Variants in CCDC18 observed in about 807,000 individuals in gnomAD.
CCDC18 encodes the protein coiled-coil domain-containing protein 18.
CCDC18 carries 157 observed loss-of-function variants against 196.0 expected under a neutral mutation model. That is an observed-to-expected ratio of 0.80 (90% CI 0.70 to 0.91). The LOEUF (loss-of-function observed/expected upper bound fraction) is 0.91. Ranked by LOEUF, CCDC18 falls within the 40% of genes least tolerant of loss-of-function variation. The pLI is 0.00. For missense variants in CCDC18, 1,465 were observed against 1,611.6 expected (o/e 0.91, Z 1.56); for synonymous variants, 482 against 529.2 (o/e 0.91, Z 1.22).
In CCDC18 at chr1:93,250,788, CTT is replaced by C. The variant is rs1298375587; in HGVS notation, c.3199-3680_3199-3679del. ...TCTAAGTATAGCTATTTCTGCTATA[CTT>C]TTGATTTCCATTTGAATGGAACATC... On this transcript the variant is annotated intron_variant, in intron 23 of 28. Coordinates refer to ENST00000690025, the MANE Select transcript of CCDC18 (RefSeq NM_001378204.1). Among the ~76,000 whole-genome samples the C allele has an allele frequency of 4.8e-5, 4 of 83,788 alleles. No individual in the cohort carries two copies. In the African/African-American group the frequency reaches 6.0e-4, roughly 13 times the overall value. The allele number at this position is 83,788 out of a possible 152,430, so 55.0% of individuals were successfully genotyped here. A position where few individuals can be genotyped will look rare whatever the true frequency, so the allele number is the denominator to read the frequency against.
At chr1:93,232,831 C>T (rs1659454451) in intron 18 of CCDC18, among the ~76,000 whole-genome samples, 1 of 152,162 alleles carries the variant, frequency 6.6e-6, no homozygotes, top group African/African-American at 2.4e-5. Flanking sequence ...CTTAGCCAGG[C>T]ATTGTGGCAC....
intron 12 of CCDC18, among the ~76,000 whole-genome samples, chr1:93,215,715 C>T (rs1476097396): frequency 1.3e-5 from 2 of 152,128 alleles, no homozygotes; most frequent in African/African-American, 2.4e-5. Context: ...CTCAGTATCC[C>T]AAAATGCTGG....
chr1:93,261,352 T>A (rs543180494), intron 26 of CCDC18, among the ~76,000 whole-genome samples: 1 of 152,250 alleles, frequency 6.6e-6, no homozygotes, highest in East Asian at 1.9e-4. Flanking sequence ...CATATTTATT[T>A]TTGAACGTTA....
intron 23 of CCDC18, among the ~76,000 whole-genome samples, chr1:93,247,934 CTT>C (rs922937186): frequency 5.4e-5 from 8 of 149,452 alleles, no homozygotes; most frequent in Admixed American, 5.3e-4. Flanking sequence ...AGTGGAAAGA[CTT>C]TGAGTTTTTC....
intron 6 of CCDC18, among the ~76,000 whole-genome samples, chr1:93,199,545 C>T (rs1653446248): frequency 6.6e-6 from 1 of 152,224 alleles, no homozygotes; most frequent in Non-Finnish European, 1.5e-5. Context: ...CTCTTCTCTC[C>T]TTCTCTTGTC....
At chr1:93,190,643 C>CAA (rs755438800) in intron 4 of CCDC18, 11 of 293,272 alleles carry the variant, frequency 3.8e-5, no homozygotes, top group Admixed American at 1.4e-4. Flanking sequence ...TGCCAGCCCC[C>CAA]AAACAGTATC....
rs760017494 is a variant in CCDC18, at chr1:93,221,850, T to C, written c.2098-9T>C. On this transcript the variant is annotated splice_polypyrimidine_tract_variant and intron_variant, in intron 15 of 28. Transcript: ENST00000690025. ...ATCTGCATACTTATACTTTTCTTAC[T>C]GTTTTTAGGAAATGAAAAAGGAAAA... 1 of 1,592,546 alleles carries C rather than the reference T, an allele frequency of 6.3e-7. No homozygotes were observed. Among genetic ancestry groups the C allele is most frequent in the Non-Finnish European group, 8.6e-7 (1 of 1,168,448 alleles).
intron 28 of CCDC18, chr1:93,271,100 T>TGAAAAAAA (rs1396343979): frequency 1.2e-5 from 12 of 983,686 alleles, no homozygotes; most frequent in Non-Finnish European, 1.3e-5. Context: ...ATTAAAAAAC[T>TGAAAAAAA]GAAAAAAAGA....
chr1:93,185,158 G>C (rs1304636967), intron 3 of CCDC18, among the ~76,000 whole-genome samples: 2 of 151,826 alleles, frequency 1.3e-5, no homozygotes, highest in African/African-American at 4.8e-5. Flanking sequence ...AATTCAAAGT[G>C]AAACTATACC....
chr1:93,233,952 T>A (rs897155310), intron 18 of CCDC18, among the ~76,000 whole-genome samples: 1 of 152,058 alleles, frequency 6.6e-6, no homozygotes, highest in South Asian at 2.1e-4. Flanking sequence ...TTGTTAAAAT[T>A]TAGACCTACT....
At chr1:93,224,622 T>C (rs1296009105) in intron 16 of CCDC18, among the ~76,000 whole-genome samples, 2 of 152,214 alleles carry the variant, frequency 1.3e-5, no homozygotes, top group Non-Finnish European at 2.9e-5. Context: ...CTTATTTAAT[T>C]TGATGACTGC....
intron 18 of CCDC18, 33 bp downstream of exon 18, chr1:93,232,626 G>T (rs753911243): frequency 2.3e-5 from 33 of 1,440,478 alleles, no homozygotes; most frequent in Non-Finnish European, 3.1e-5. Flanking sequence ...TGTTTTATTT[G>T]TATGAAATAG....
intron 19 of CCDC18, 52 bp downstream of exon 19, chr1:93,236,442 C>A: frequency 6.5e-7 from 1 of 1,528,912 alleles, no homozygotes; most frequent in African/African-American, 1.4e-5. Flanking sequence ...TCAGTGGTAT[C>A]TGAGTTTTGA....
chr1:93,255,226 C>T (rs972017325), intron 24 of CCDC18, among the ~76,000 whole-genome samples: 1 of 151,964 alleles, frequency 6.6e-6, no homozygotes, highest in South Asian at 2.1e-4. Context: ...GCTGGGATTA[C>T]AGGCGTGAGC....
chr1:93,195,762 G>A (rs1427040104), intron 6 of CCDC18, among the ~76,000 whole-genome samples: 3 of 152,166 alleles, frequency 2.0e-5, no homozygotes, highest in Admixed American at 6.5e-5. Context: ...CTACCAAACT[G>A]CCAGTACCTT....
intron 28 of CCDC18, among the ~76,000 whole-genome samples, chr1:93,276,845 GA>G (rs1332520782): frequency 6.6e-6 from 1 of 151,362 alleles, no homozygotes; most frequent in African/African-American, 2.4e-5. Flanking sequence ...AAGAGATTTG[GA>G]AAAGAAAAAG....
chr1:93,218,645 G>A (rs1423272649), intron 14 of CCDC18, among the ~76,000 whole-genome samples: 1 of 152,068 alleles, frequency 6.6e-6, no homozygotes, highest in Non-Finnish European at 1.5e-5. Flanking sequence ...GAGTAGCTGG[G>A]ATTACAGGTG....
At chr1:93,181,369 G>A (rs1446707582) in intron 1 of CCDC18, among the ~76,000 whole-genome samples, 1 of 151,968 alleles carries the variant, frequency 6.6e-6, no homozygotes, top group African/African-American at 2.4e-5. Context: ...CTTGTCCTTC[G>A]TTTGATGGGT....
At chr1:93,254,373 A>T (rs2101058662) in intron 23 of CCDC18, 98 bp from the exon 24 acceptor site, 1 of 885,056 alleles carries the variant, frequency 1.1e-6, no homozygotes, top group African/African-American at 1.7e-5. Flanking sequence ...TTTTGCTTTT[A>T]GATATGAGTG....
Sources: allele counts gnomAD v4.1 joint callset (sites outside exome capture counted in the v4.1 genomes callset), GRCh38; gene constraint gnomAD v4.1.1; transcripts MANE v1.5; gene names NCBI Gene and HGNC (gene_info 2026-07-23, HGNC 2026-07-21).